CLUL1: variants seen among roughly 807,000 people sequenced by gnomAD.
CLUL1 encodes the protein clusterin-like protein 1.
CLUL1 carries 43 observed loss-of-function variants against 49.4 expected under a neutral mutation model. That is an observed-to-expected ratio of 0.87 (90% confidence interval 0.68 to 1.12). The LOEUF is 1.12. CLUL1 is among the 50% of genes most tolerant of loss of function. CLUL1 has a pLI of 0.00. For synonymous variants in CLUL1, 192 were observed against 184.9 expected, an observed-to-expected ratio of 1.04 and a Z score of -0.31; for missense variants, 486 against 544.4, an observed-to-expected ratio of 0.89 and a Z score of 1.07.
chr18:645,970 C>T (rs2074495278), intron 9 of CLUL1, among the ~76,000 whole-genome samples: 1 of 150,570 alleles, frequency 6.6e-6, no homozygotes, highest in South Asian at 2.1e-4. Context: ...TAATGACTTG[C>T]TAACTACTTT....
intron 7 of CLUL1, among the ~76,000 whole-genome samples, chr18:633,797 T>TCAGGG (rs2074057585): frequency 3.2e-5 from 1 of 31,512 alleles, no homozygotes; most frequent in Non-Finnish European, 9.4e-5. Context: ...GAGCATGTAA[T>TCAGGG]CGGAATGAAT....
chr18:631,432 C>T (rs1400148353), intron 6 of CLUL1, among the ~76,000 whole-genome samples: 3 of 152,062 alleles, frequency 2.0e-5, no homozygotes, highest in Non-Finnish European at 4.4e-5. Flanking sequence ...CATTAATTTT[C>T]GCGTGGGAGA....
At chr18:612,405 C>T (rs967017065) in intron 2 of CLUL1, among the ~76,000 whole-genome samples, 29 of 152,308 alleles carry the variant, frequency 1.9e-4, no homozygotes, top group Admixed American at 6.5e-4. Flanking sequence ...TCAGAAGAGG[C>T]GTGCTCCTTG....
Position 606,905 on chromosome 18 carries a change from GTT to G in CLUL1, c.-135-72_-135-71del. On this transcript the variant is annotated intron_variant, in intron 1 of 9. Coordinates refer to ENST00000692774, the MANE Select transcript of CLUL1 (RefSeq NM_001393344.1). This position sits in a 1 kb window ranked among gnomAD's most constrained non-coding sequence, Gnocchi z 4.1. Reference sequence around the variant, plus strand: ...CCCTCAGTGCTCACTACTTTGCAGTGTTCATAGAATATTTGTAATAATTTTAG... The same window carrying G: ...CCCTCAGTGCTCACTACTTTGCAGTGCATAGAATATTTGTAATAATTTTAG... 3 of 583,914 alleles carry G rather than the reference GTT, an allele frequency of 5.1e-6. No individual in the cohort carries two copies. The highest frequency in any genetic ancestry group is 9.1e-6 in the Non-Finnish European group (3 of 329,408). The allele number at this position is 583,914 out of a possible 1,614,324, so 36.2% of individuals were successfully genotyped here. A position where few individuals can be genotyped will look rare whatever the true frequency, so the allele number is the denominator to read the frequency against.
At chr18:645,664 G>T (rs1480338281) in intron 9 of CLUL1, among the ~76,000 whole-genome samples, 2 of 149,332 alleles carry the variant, frequency 1.3e-5, no homozygotes, top group South Asian at 2.1e-4. Context: ...CGTGGTGGCG[G>T]GCGCCTGTAG....
chr18:645,201 C>CCTG, intron 9 of CLUL1, 104 bp downstream of exon 9: 1 of 851,262 alleles, frequency 1.2e-6, no homozygotes, highest in Non-Finnish European at 1.7e-6. Context: ...CATGTTTAAC[C>CCTG]TCATTAATAA....
At chr18:643,161 A>G (rs1211656240) in intron 8 of CLUL1, among the ~76,000 whole-genome samples, 2 of 152,220 alleles carry the variant, frequency 1.3e-5, no homozygotes. Flanking sequence ...AGTAGAAAAT[A>G]TTAGCATGCA....
chr18:617,730 T>C (rs549976296), intron 2 of CLUL1, among the ~76,000 whole-genome samples: 1 of 152,186 alleles, frequency 6.6e-6, no homozygotes, highest in Non-Finnish European at 1.5e-5. Flanking sequence ...CTCCATTGCA[T>C]TGAGTTTCAA....
At chr18:638,147 A>G (rs2074211291) in intron 7 of CLUL1, among the ~76,000 whole-genome samples, 1 of 152,230 alleles carries the variant, frequency 6.6e-6, no homozygotes, top group South Asian at 2.1e-4. Context: ...TGAAATATCA[A>G]TGATTCTCAT....
chr18:615,274 T>C (rs2073254348), intron 2 of CLUL1, among the ~76,000 whole-genome samples: 1 of 152,152 alleles, frequency 6.6e-6, no homozygotes, highest in African/African-American at 2.4e-5. Context: ...TTTGGAAGCT[T>C]CGAGATATTT....
intron 1 of CLUL1, among the ~76,000 whole-genome samples, chr18:601,645 C>CAA (rs34502741): frequency 0.14 from 18,819 of 138,526 alleles, 1,447 homozygotes; most frequent in Middle Eastern, 0.25. Flanking sequence ...GACTCCATCT[C>CAA]AAAAAAAAAA....
chr18:622,590 C>T (rs2073523977), intron 4 of CLUL1, among the ~76,000 whole-genome samples: 1 of 152,180 alleles, frequency 6.6e-6, no homozygotes, highest in Non-Finnish European at 1.5e-5. Flanking sequence ...GGAATGTTTA[C>T]TAGACAGAGG....
At chr18:617,182 T>C (rs1012863380) in intron 2 of CLUL1, among the ~76,000 whole-genome samples, 6 of 152,172 alleles carry the variant, frequency 3.9e-5, no homozygotes, top group African/African-American at 1.4e-4. Context: ...AACTGTGCAC[T>C]ATTCACATAG....
At chr18:619,055 A>C (rs907708347) in intron 3 of CLUL1, among the ~76,000 whole-genome samples, 158 bp from the exon 4 acceptor site, 2 of 152,182 alleles carry the variant, frequency 1.3e-5, no homozygotes, top group African/African-American at 2.4e-5. Context: ...AGCTGGGTCC[A>C]TGTGGCAGCT....
At chr18:607,560 G>A (rs1237874478) in intron 2 of CLUL1, among the ~76,000 whole-genome samples, 1 of 152,102 alleles carries the variant, frequency 6.6e-6, no homozygotes, top group Non-Finnish European at 1.5e-5. Context: ...CTGTTTAGCT[G>A]GTACTACAGG....
chr18:634,115 G>A (rs2074072433), intron 7 of CLUL1, among the ~76,000 whole-genome samples: 2 of 151,812 alleles, frequency 1.3e-5, no homozygotes, highest in Non-Finnish European at 2.9e-5. Flanking sequence ...GGCGTTCAAT[G>A]TAGGTTTATA....
At chr18:626,883 G>GA (rs370545530) in intron 5 of CLUL1, among the ~76,000 whole-genome samples, 2 of 25,354 alleles carry the variant, frequency 7.9e-5, no homozygotes, top group African/African-American at 4.3e-4. Context: ...AAGAAAGAAA[G>GA]AAAGAAAGAA....
At chr18:609,184 A>G (rs1055406814) in intron 2 of CLUL1, among the ~76,000 whole-genome samples, 1 of 152,212 alleles carries the variant, frequency 6.6e-6, no homozygotes, top group African/African-American at 2.4e-5. Context: ...AATTTTCCAC[A>G]TAAAACAAAG....
intron 1 of CLUL1, among the ~76,000 whole-genome samples, chr18:599,238 ATGT>A (rs1312645981): frequency 6.6e-6 from 1 of 152,190 alleles, no homozygotes; most frequent in Non-Finnish European, 1.5e-5. Flanking sequence ...TAATTATGTG[ATGT>A]TGTGGAAAGA....
Sources: allele counts gnomAD v4.1 joint callset (sites outside exome capture counted in the v4.1 genomes callset), GRCh38; gene constraint gnomAD v4.1.1; non-coding constraint Gnocchi (gnomAD v3.1); transcripts MANE v1.5; gene names NCBI Gene and HGNC (gene_info 2026-07-23, HGNC 2026-07-21).